The following C1QTNF9B variants were observed in gnomAD, a reference collection of about 807,000 sequenced individuals.
C1QTNF9B encodes complement C1q and tumor necrosis factor-related protein 9B.
Under a neutral mutation model 10.1 loss-of-function variants are expected in C1QTNF9B, and 9 were observed. The observed-to-expected ratio is 0.89, with a 90% CI of 0.53 to 1.55. The LOEUF (loss-of-function observed/expected upper bound fraction) is 1.55, where lower values mean the gene tolerates loss of function less well. Ranked by LOEUF, C1QTNF9B falls within the 40% of genes most tolerant of loss-of-function variation. C1QTNF9B has a pLI of 0.00. For synonymous variants in C1QTNF9B, 79 were observed against 159.9 expected (o/e 0.49, Z 3.82); for missense variants, 196 against 414.4 (o/e 0.47, Z 4.58).
chr13:23,892,566 G>A (rs1378425631), intron 2 of C1QTNF9B, among the ~76,000 whole-genome samples: 1 of 152,144 alleles, frequency 6.6e-6, no homozygotes, highest in African/African-American at 2.4e-5. Flanking sequence ...GAGGTGGGAG[G>A]ATGGCTTGAG....
intron 1 of C1QTNF9B, 48 bp downstream of exon 3, chr13:23,896,773 G>A (rs1424508004): frequency 6.2e-7 from 1 of 1,608,490 alleles, no homozygotes; most frequent in Admixed American, 1.7e-5. Flanking sequence ...TGAGATGAAA[G>A]TAATGAAGAG....
In C1QTNF9B at chr13:23,896,816, A is replaced by T. The variant is rs1234588709; in HGVS notation, c.166+5T>A. 9 of 1,612,686 alleles carry T rather than the reference A, an allele frequency of 5.6e-6. No homozygotes were observed. The highest frequency in any genetic ancestry group is 7.6e-6 in the Non-Finnish European group (9 of 1,179,174). The stretch of plus-strand genomic sequence containing the variant: ...CAAAGGCAGCCGAAGCCGTCAGGTG[A>T]GTACCTGCATCGCCTTTGTCACCCT... On this transcript the variant is annotated splice_donor_5th_base_variant and intron_variant, in intron 1 of 2. Coordinates refer to ENST00000382137, the Ensembl canonical transcript of C1QTNF9B.
At chr13:23,893,438 C>G (rs915417867) in intron 2 of C1QTNF9B, among the ~76,000 whole-genome samples, 1 of 152,174 alleles carries the variant, frequency 6.6e-6, no homozygotes, top group African/African-American at 2.4e-5. Flanking sequence ...CTCCCTCCCG[C>G]AAGCAAAACA....
exon 3 of C1QTNF9B, chr13:23,891,229 A>G: frequency 1.4e-6 from 2 of 1,383,700 alleles, no homozygotes; most frequent in East Asian, 2.3e-5. Context: ...AACCATCTGA[A>G]TAAGTTCATC....
At chr13:23,895,762 C>T (rs530799285) in intron 1 of C1QTNF9B, among the ~76,000 whole-genome samples, 1 of 151,694 alleles carries the variant, frequency 6.6e-6, no homozygotes, top group East Asian at 1.9e-4. Context: ...GACATACACA[C>T]ACACACACAC....
chr13:23,893,642 T>C (rs538290732), intron 2 of C1QTNF9B, among the ~76,000 whole-genome samples: 1 of 152,254 alleles, frequency 6.6e-6, no homozygotes, highest in South Asian at 2.1e-4. Context: ...CTGGCTAGTT[T>C]TTTTATTTGT....
At chr13:23,892,700 C>T (rs1872055304) in intron 2 of C1QTNF9B, among the ~76,000 whole-genome samples, 1 of 151,964 alleles carries the variant, frequency 6.6e-6, no homozygotes, top group Non-Finnish European at 1.5e-5. Flanking sequence ...CACGTGTGTG[C>T]ACATGGACAC....
exon 3 of C1QTNF9B, chr13:23,891,921 T>G: frequency 1.2e-6 from 2 of 1,614,004 alleles, no homozygotes; most frequent in Non-Finnish European, 1.7e-6. Context: ...TTATTCCCCT[T>G]CTGCCCCTGA....
rs1209787458 is a variant in C1QTNF9B, at chr13:23,894,274, A to T, written c.167-73T>A. 2.9e-5 allele frequency: 36 copies of T among 1,252,612 alleles called. 3 individuals carry two copies. The highest frequency in any genetic ancestry group is 4.1e-5 in the Non-Finnish European group (36 of 873,186). The allele number at this position is 1,252,612 out of a possible 1,614,324, so 77.6% of individuals were successfully genotyped here. Reference sequence around the variant, plus strand: ...ATTTTTCTGGCCATTGGTCTCCATCAGCCATGTGTTGGAGAGTCTGGGGGT... The same window carrying T: ...ATTTTTCTGGCCATTGGTCTCCATCTGCCATGTGTTGGAGAGTCTGGGGGT... On this transcript the variant is annotated intron_variant, in intron 1 of 2. Coordinates refer to ENST00000382137, the Ensembl canonical transcript of C1QTNF9B.
At chr13:23,896,259 C>A (rs1436976854) in intron 1 of C1QTNF9B, among the ~76,000 whole-genome samples, 1 of 152,172 alleles carries the variant, frequency 6.6e-6, no homozygotes, top group African/African-American at 2.4e-5. Flanking sequence ...CAGGCTTTGG[C>A]AAATCTCCCT....
chr13:23,896,779 A>G, intron 1 of C1QTNF9B, 42 bp downstream of exon 3: 2 of 1,610,856 alleles, frequency 1.2e-6, no homozygotes, highest in Non-Finnish European at 1.7e-6. Context: ...GAAAGTAATG[A>G]AGAGAGAAGC....
rs113533575 is a variant in C1QTNF9B at position 23,892,706 on chromosome 13, GAC to G, written c.230-647_230-646del. Among the ~76,000 whole-genome samples, 152 of 151,728 alleles carry G rather than the reference GAC, an allele frequency of 1.0e-3. 1 individual carries two copies. Among genetic ancestry groups the G allele is most frequent in the Middle Eastern group, 3.4e-3 (1 of 292 alleles). On this transcript the variant is annotated intron_variant, in intron 2 of 2. Transcript: ENST00000382137. ...CCAATTACACACGTGTGTGCACATG[GAC>G]ACACACACACACATCCCAACACACC...
chr13:23,891,456 C>T (rs1171287487), exon 3 of C1QTNF9B: 1 of 1,581,930 alleles, frequency 6.3e-7, no homozygotes, highest in Non-Finnish European at 8.7e-7. Context: ...CTCACGTAAG[C>T]ATCTCTGGTG....
At chr13:23,895,477 T>C (rs553745455) in intron 1 of C1QTNF9B, among the ~76,000 whole-genome samples, 25 of 152,250 alleles carry the variant, frequency 1.6e-4, no homozygotes, top group Non-Finnish European at 3.5e-4. Flanking sequence ...AAAGAATATA[T>C]ATTACAAATA....
intron 1 of C1QTNF9B, among the ~76,000 whole-genome samples, chr13:23,895,028 A>G (rs1267863450): frequency 2.0e-5 from 3 of 152,172 alleles, no homozygotes; most frequent in Admixed American, 2.0e-4. Flanking sequence ...CAGGACTGAC[A>G]CAGGCAGACT....
intron 2 of C1QTNF9B, 88 bp downstream of exon 4, chr13:23,894,051 T>C: frequency 7.1e-7 from 1 of 1,403,446 alleles, no homozygotes; most frequent in Non-Finnish European, 1.0e-6. Context: ...ATTATAAGAT[T>C]ATAATCAGCA....
At chr13:23,891,144 A>C in exon 3 of C1QTNF9B, 1 of 797,706 alleles carries the variant, frequency 1.3e-6, no homozygotes. Context: ...GTTACATAGA[A>C]TCAGTTTTGG....
chr13:23,894,941 A>G (rs964970827), intron 1 of C1QTNF9B, among the ~76,000 whole-genome samples: 5 of 152,178 alleles, frequency 3.3e-5, no homozygotes, highest in African/African-American at 1.2e-4. Flanking sequence ...AAAGCAGCAG[A>G]GACTCCCATA....
At chr13:23,893,754 G>A (rs1444668744) in intron 2 of C1QTNF9B, among the ~76,000 whole-genome samples, 1 of 152,192 alleles carries the variant, frequency 6.6e-6, no homozygotes. Flanking sequence ...ACAGGTGTGA[G>A]GCATGGTGCT....
Sources: gnomAD v4.1 joint callset for allele counts (sites outside exome capture counted in the v4.1 genomes callset) on GRCh38, gnomAD v4.1.1 for gene constraint, MANE v1.5 for transcripts, NCBI Gene and HGNC (gene_info 2026-07-23, HGNC 2026-07-21) for gene names.